Variants in TRAPPC9 observed in about 807,000 individuals in gnomAD.
TRAPPC9 encodes the protein IKK2 binding protein.
In TRAPPC9, 83 loss-of-function variants were observed where a neutral mutation model predicts 124.0. The ratio of observed to expected loss-of-function variants is 0.67; its 90% CI spans 0.56 to 0.80. The LOEUF is 0.80. Ranked by LOEUF, TRAPPC9 falls within the 30% of genes least tolerant of loss-of-function variation. TRAPPC9 has a pLI of 0.00. For missense variants in TRAPPC9, 1,302 were observed against 1,508.3 expected, an observed-to-expected ratio of 0.86 and a Z score of 2.27; for synonymous variants, 638 against 617.5, an observed-to-expected ratio of 1.03 and a Z score of -0.49.
intron 19 of TRAPPC9, among the ~76,000 whole-genome samples, chr8:139,987,544 GCA>G (rs1837318748): frequency 1.4e-5 from 1 of 71,282 alleles, no homozygotes; most frequent in East Asian, 7.7e-4. Context: ...AATGAAAGAG[GCA>G]GAGAGAGAGA....
intron 17 of TRAPPC9, among the ~76,000 whole-genome samples, chr8:140,070,330 C>T (rs7814412): frequency 0.16 from 24,622 of 152,200 alleles, 2,589 homozygotes; most frequent in African/African-American, 0.3. Flanking sequence ...CTTCTTAAGA[C>T]ATTGTACCAA....
chr8:139,745,440 A>T (rs1332010847), intron 21 of TRAPPC9, among the ~76,000 whole-genome samples: 1 of 152,202 alleles, frequency 6.6e-6, no homozygotes, highest in Non-Finnish European at 1.5e-5. Flanking sequence ...CACCCAGGAG[A>T]GCTGAGAAAG....
At chr8:140,070,370 T>C (rs544528350) in intron 17 of TRAPPC9, among the ~76,000 whole-genome samples, 3 of 152,348 alleles carry the variant, frequency 2.0e-5, no homozygotes, top group East Asian at 3.9e-4. Context: ...CATATTCATA[T>C]GTCAGTCTCC....
intron 17 of TRAPPC9, among the ~76,000 whole-genome samples, chr8:140,064,136 C>A (rs1003130167): frequency 6.6e-6 from 1 of 152,036 alleles, no homozygotes; most frequent in Non-Finnish European, 1.5e-5. Flanking sequence ...TTTCCCAACT[C>A]GACTGTTACA....
intron 20 of TRAPPC9, among the ~76,000 whole-genome samples, chr8:139,900,203 C>T (rs997943316): frequency 3.3e-5 from 5 of 152,374 alleles, no homozygotes; most frequent in South Asian, 4.1e-4. Flanking sequence ...AGCCCGTGTG[C>T]GTGTGTGCCT....
At chr8:140,196,793 C>T (rs556052290) in intron 17 of TRAPPC9, among the ~76,000 whole-genome samples, 3 of 152,062 alleles carry the variant, frequency 2.0e-5, no homozygotes, top group East Asian at 1.9e-4. Context: ...ACCTGTGACA[C>T]TAAAACACAC....
At chr8:140,155,229 A>G (rs2061608292) in intron 17 of TRAPPC9, among the ~76,000 whole-genome samples, 1 of 152,202 alleles carries the variant, frequency 6.6e-6, no homozygotes, top group Non-Finnish European at 1.5e-5. Flanking sequence ...TCAAAGACAG[A>G]GAGGCTTAGG....
chr8:139,777,981 G>A (rs1444687007), intron 21 of TRAPPC9, among the ~76,000 whole-genome samples: 4 of 152,120 alleles, frequency 2.6e-5, no homozygotes, highest in African/African-American at 9.7e-5. Flanking sequence ...AGCTGCAGCT[G>A]ACGGGGAAGG....
At chr8:140,168,249 A>G (rs972647287) in intron 17 of TRAPPC9, among the ~76,000 whole-genome samples, 1 of 152,252 alleles carries the variant, frequency 6.6e-6, no homozygotes, top group South Asian at 2.1e-4. Context: ...TCAATAACAT[A>G]TCGAAGGTGA....
chr8:139,899,237 T>C (rs1338104702), intron 20 of TRAPPC9, among the ~76,000 whole-genome samples: 9 of 148,406 alleles, frequency 6.1e-5, no homozygotes, highest in South Asian at 4.3e-4. Context: ...CAGTCGAAAA[T>C]CCACATGTAA....
intron 17 of TRAPPC9, among the ~76,000 whole-genome samples, chr8:140,050,254 T>C (rs984188009): frequency 2.0e-5 from 3 of 152,220 alleles, no homozygotes; most frequent in African/African-American, 7.2e-5. Flanking sequence ...TGGCAGAGGA[T>C]TCATTTGAAC....
intron 19 of TRAPPC9, among the ~76,000 whole-genome samples, chr8:139,986,230 G>A (rs547002504): frequency 9.9e-5 from 15 of 152,230 alleles, no homozygotes; most frequent in Admixed American, 4.6e-4. Flanking sequence ...GTGACAGAGC[G>A]AGATTCTGTA....
intron 17 of TRAPPC9, among the ~76,000 whole-genome samples, chr8:140,171,960 C>A (rs906115322): frequency 6.6e-6 from 1 of 152,156 alleles, no homozygotes; most frequent in African/African-American, 2.4e-5. Flanking sequence ...AGAAAAGCAA[C>A]AGAAAATGAC....
chr8:140,360,153 G>A lies in TRAPPC9; in HGVS notation c.1392C>T (p.Leu464=), dbSNP rs1229453050. Residue 464 remains leucine (L), a synonymous_variant, in exon 9 of 23, where the codon CTC becomes CTT. Transcript: ENST00000438773. ...TTCGGGAGGCGTAGACCAATTCATG[G>A]AGCAAACGCATCTGGACCGCAGCCC... ...RGWAAVQMRL[L]HELVYASRRM... 2 of 1,614,102 alleles carry A rather than the reference G, an allele frequency of 1.2e-6. No individual in the cohort carries two copies. The highest frequency in any genetic ancestry group is 1.7e-6 in the Non-Finnish European group (2 of 1,180,054).
chr8:140,222,191 G>A lies in TRAPPC9; in HGVS notation c.2432-608C>T, dbSNP rs1405242318. Reference sequence around the variant, plus strand: ...TTCGTGCAGCCAGCTCTCTCTTGCCGCTTGACCTTAGTCTAAGTGCTACCT... The same window carrying A: ...TTCGTGCAGCCAGCTCTCTCTTGCCACTTGACCTTAGTCTAAGTGCTACCT... On this transcript the variant is annotated intron_variant, in intron 16 of 22. Transcript: ENST00000438773. Among the ~76,000 whole-genome samples, 8 of 152,160 alleles carry A rather than the reference G, an allele frequency of 5.3e-5. No individual in the cohort carries two copies. The East Asian group carries it at 5.8e-4, about 11-fold the overall frequency.
At chr8:139,748,005 A>G (rs2035092) in intron 21 of TRAPPC9, among the ~76,000 whole-genome samples, 456 of 15,888 alleles carry the variant, frequency 0.029, 8 homozygotes, top group African/African-American at 0.051. Context: ...ATACACAGCA[A>G]GTGTCACAGC....
chr8:140,065,276 G>A (rs1031377423), intron 17 of TRAPPC9, among the ~76,000 whole-genome samples: 3 of 152,220 alleles, frequency 2.0e-5, no homozygotes, highest in Non-Finnish European at 4.4e-5. Context: ...GAGGTTGAAG[G>A]AAAGAAGTCA....
intron 9 of TRAPPC9, among the ~76,000 whole-genome samples, chr8:140,315,451 A>G (rs182374459): frequency 5.9e-4 from 90 of 152,220 alleles, no homozygotes; most frequent in Middle Eastern, 3.4e-3. Context: ...TATGAAAGTT[A>G]TATCTTGTGT....
At chr8:139,763,609 AACACACACAC>A (rs10543406) in intron 21 of TRAPPC9, among the ~76,000 whole-genome samples, 1 of 151,128 alleles carries the variant, frequency 6.6e-6, no homozygotes. Context: ...CATGCACATA[AACACACACAC>A]ACACACACAC....
Sources: allele counts gnomAD v4.1 joint callset (sites outside exome capture counted in the v4.1 genomes callset), GRCh38; gene constraint gnomAD v4.1.1; transcripts MANE v1.5; gene names NCBI Gene and HGNC (gene_info 2026-07-23, HGNC 2026-07-21).